PPM1B: variants seen among roughly 807,000 people sequenced by gnomAD.
The protein encoded by PPM1B is protein phosphatase 1B.
PPM1B carries 22 observed loss-of-function variants against 43.0 expected under a neutral mutation model. The observed-to-expected ratio is 0.51, with a 90% CI of 0.37 to 0.73. The LOEUF is 0.73. Among genes scored for constraint, PPM1B ranks in the 30% least tolerant of loss-of-function variants. The pLI is 0.00. For missense variants in PPM1B, 632 were observed against 584.2 expected, an observed-to-expected ratio of 1.08 and a Z score of -0.84; for synonymous variants, 217 against 197.9, an observed-to-expected ratio of 1.10 and a Z score of -0.81.
At chr2:44,230,311 AC>A in intron 5 of PPM1B, 101 bp from the exon 6 acceptor site, 1 of 1,523,706 alleles carries the variant, frequency 6.6e-7, no homozygotes, top group Non-Finnish European at 8.8e-7. Context: ...AGACTATATT[AC>A]TTTTCGGTAG....
At position 44,206,736 on chromosome 2, in the gene PPM1B, T is replaced by TA. The variant is rs763344655; in HGVS notation, c.847-2474_847-2473insA. ...ATTATGCTTGATTCTTTTTTTGTTG[T>TA]TGTGTTTTAGAAAGGGTGTCTCACT... On this transcript the variant is annotated intron_variant, in intron 2 of 5. Coordinates refer to ENST00000282412, the MANE Select transcript of PPM1B (RefSeq NM_002706.6). Among the ~76,000 whole-genome samples, 1,126 of 152,272 alleles carry TA rather than the reference T, an allele frequency of 7.4e-3. 9 individuals are homozygous for TA. The highest frequency in any genetic ancestry group is 0.021 in the African/African-American group (853 of 41,550).
chr2:44,219,056 G>T, intron 5 of PPM1B: 1 of 281,662 alleles, frequency 3.6e-6, no homozygotes, highest in Non-Finnish European at 6.9e-6. Context: ...CATTTCTGTT[G>T]TACCTTGCTG....
At chr2:44,179,262 T>C (rs1667741772) in intron 1 of PPM1B, among the ~76,000 whole-genome samples, 1 of 152,242 alleles carries the variant, frequency 6.6e-6, no homozygotes, top group South Asian at 2.1e-4. Context: ...ATTAAACCTC[T>C]CTTTCTTTTG....
chr2:44,245,537 T>C (rs1386665183), downstream of PPM1B, among the ~76,000 whole-genome samples: 1 of 152,226 alleles, frequency 6.6e-6, no homozygotes, highest in Non-Finnish European at 1.5e-5. Context: ...TCACATATGC[T>C]AACAACTTTT....
chr2:44,229,789 A>G (rs938957047), intron 5 of PPM1B, among the ~76,000 whole-genome samples: 6 of 152,272 alleles, frequency 3.9e-5, no homozygotes, highest in South Asian at 4.1e-4. Flanking sequence ...AAACCTGTAG[A>G]TTTTCCAAAA....
At chr2:44,192,002 G>A (rs1650331018) in intron 1 of PPM1B, among the ~76,000 whole-genome samples, 1 of 151,290 alleles carries the variant, frequency 6.6e-6, no homozygotes, top group African/African-American at 2.4e-5. Context: ...GTTAGTTTCA[G>A]GACTGATCCT....
chr2:44,178,305 C>CAT (rs950280280), intron 1 of PPM1B, among the ~76,000 whole-genome samples: 33 of 151,650 alleles, frequency 2.2e-4, no homozygotes, highest in East Asian at 2.1e-3. Flanking sequence ...ATTTACATGC[C>CAT]ATATATATAT....
chr2:44,236,186 A>C (rs80270067), downstream of PPM1B, among the ~76,000 whole-genome samples: 22,349 of 151,984 alleles, frequency 0.15, 1,932 homozygotes, highest in South Asian at 0.25. Context: ...ACTTGAGGTC[A>C]ACAGTTTGAG....
At chr2:44,237,545 C>T (rs951370832), downstream of PPM1B, among the ~76,000 whole-genome samples, 11 of 152,196 alleles carry the variant, frequency 7.2e-5, no homozygotes, top group African/African-American at 2.7e-4. Flanking sequence ...AGTATTTCTG[C>T]TATCTTGTAA....
chr2:44,239,029 G>A (rs1028793236), downstream of PPM1B, among the ~76,000 whole-genome samples: 1 of 151,962 alleles, frequency 6.6e-6, no homozygotes, highest in Non-Finnish European at 1.5e-5. Flanking sequence ...CAGAAAATTG[G>A]CTGGACGTGG....
intron 1 of PPM1B, among the ~76,000 whole-genome samples, chr2:44,188,301 T>C (rs1309779281): frequency 6.6e-6 from 1 of 152,176 alleles, no homozygotes. Flanking sequence ...ATTTCTGATT[T>C]AAAAGAAGAA....
At chr2:44,244,485 T>A, downstream of PPM1B, 1 of 860,556 alleles carries the variant, frequency 1.2e-6, no homozygotes, top group Non-Finnish European at 1.5e-6. Context: ...CCTGTCCATG[T>A]GATAAACACC....
chr2:44,234,714 C>A, downstream of PPM1B: 1 of 611,726 alleles, frequency 1.6e-6, no homozygotes, highest in Non-Finnish European at 2.0e-6. Flanking sequence ...AAATTGTATA[C>A]TCCAGTGAAC....
chr2:44,201,868 G>T lies in PPM1B; in HGVS notation c.669G>T (p.Glu223Asp). The T allele has an allele frequency of 6.2e-7, 1 of 1,614,172 alleles. No homozygotes were observed. Among genetic ancestry groups the T allele is most frequent in the Non-Finnish European group, 8.5e-7 (1 of 1,180,026 alleles). Residue 223 changes from glutamate (E) to aspartate (D), a missense_variant, in exon 2 of 6, where the codon GAG (glutamate) becomes GAT (aspartate). Around this residue, in one of 3 missense-constraint regions of PPM1B, gnomAD observed 40 missense variants for 80.8 expected, o/e 0.50. Transcript: ENST00000282412. The surrounding 1 kb of genome is among the most constrained non-coding windows in gnomAD (Gnocchi z 5.4). ...CAACAGAACAACTTGTTTCTCCAGA[G>T]CCTGAGGTTTATGAAATTTTAAGAG... ...KGPTEQLVSPEPEVYEILRAE... is the reference protein window; with the variant it reads ...KGPTEQLVSPDPEVYEILRAE...
At chr2:44,184,929 A>G (rs1035798417) in intron 1 of PPM1B, among the ~76,000 whole-genome samples, 5 of 149,340 alleles carry the variant, frequency 3.3e-5, no homozygotes, top group African/African-American at 1.2e-4. Flanking sequence ...ATATTATTAA[A>G]CTCACCACTA....
At chr2:44,188,713 G>GCTTTCCTTCCTTCCTTCCTTCCTT (rs772685052) in intron 1 of PPM1B, among the ~76,000 whole-genome samples, 59 of 148,746 alleles carry the variant, frequency 4.0e-4, no homozygotes, top group Non-Finnish European at 6.7e-4. Context: ...CTGCCTGCCT[G>GCTTTCCTTCCTTCCTTCCTTCCTT]CTTTCCTTCC....
At chr2:44,232,445 T>C, downstream of PPM1B, 1 of 1,569,800 alleles carries the variant, frequency 6.4e-7, no homozygotes, top group Non-Finnish European at 8.6e-7. Flanking sequence ...TCTTGCGGAT[T>C]CCCAACGTTT....
Position 44,230,766 on chromosome 2 carries a change from AG to A in PPM1B, c.*50del. 1.3e-6 allele frequency: 2 copies of A among 1,572,418 alleles called. No individual in the cohort carries two copies. The highest frequency in any genetic ancestry group is 1.7e-6 in the Non-Finnish European group (2 of 1,158,282). ...TGTGATCTTTGATGGTTTTTAACCT[AG>A]GAAGTGTAATGTATGCATTTATATA... is the stretch of plus-strand genomic sequence containing the variant. On this transcript the variant is annotated 3_prime_UTR_variant, in exon 6 of 6. Coordinates refer to ENST00000282412, the MANE Select transcript of PPM1B (RefSeq NM_002706.6).
At chr2:44,178,452 G>GTATATATA (rs1553326413) in intron 1 of PPM1B, among the ~76,000 whole-genome samples, 11 of 135,690 alleles carry the variant, frequency 8.1e-5, no homozygotes, top group African/African-American at 3.0e-4. Flanking sequence ...TTTTATATAT[G>GTATATATA]TATATATATA....
Sources: gnomAD v4.1 joint callset for allele counts (sites outside exome capture counted in the v4.1 genomes callset) on GRCh38, gnomAD v4.1.1 for gene constraint, gnomAD v4.1.1 regional missense constraint, Gnocchi (gnomAD v3.1) non-coding constraint, MANE v1.5 for transcripts, NCBI Gene and HGNC (gene_info 2026-07-23, HGNC 2026-07-21) for gene names.